The following NLGN1 variants were observed in gnomAD, a reference collection of about 807,000 sequenced individuals.
The protein encoded by NLGN1 is neuroligin-1.
NLGN1 carries 12 observed loss-of-function variants against 65.5 expected under a neutral mutation model. The ratio of observed to expected loss-of-function variants is 0.18; its 90% CI spans 0.12 to 0.30. The LOEUF (loss-of-function observed/expected upper bound fraction) is 0.30. Ranked by LOEUF, NLGN1 falls within the 10% of genes least tolerant of loss-of-function variation. The pLI is 1.00. For synonymous variants in NLGN1, 350 were observed against 359.5 expected (o/e 0.97, Z 0.30); for missense variants, 750 against 1,007.1 (o/e 0.74, Z 3.46).
At chr3:173,412,365 A>G (rs1229402280) in intron 1 of NLGN1, among the ~76,000 whole-genome samples, 1 of 151,968 alleles carries the variant, frequency 6.6e-6, no homozygotes, top group East Asian at 1.9e-4. Context: ...ATATTTGCAC[A>G]GGTGATTTTG....
chr3:173,613,905 A>G (rs763211339), intron 3 of NLGN1, among the ~76,000 whole-genome samples: 3 of 151,996 alleles, frequency 2.0e-5, no homozygotes, highest in Non-Finnish European at 2.9e-5. Flanking sequence ...AAATCTGATT[A>G]ATGAACAGTG....
chr3:173,469,344 T>G (rs956909772), intron 2 of NLGN1, among the ~76,000 whole-genome samples: 1 of 152,050 alleles, frequency 6.6e-6, no homozygotes, highest in African/African-American at 2.4e-5. Context: ...ATCCCAAACA[T>G]AGCAATACCT....
At chr3:173,612,149 C>T (rs555967514) in intron 3 of NLGN1, among the ~76,000 whole-genome samples, 105 of 152,120 alleles carry the variant, frequency 6.9e-4, no homozygotes, top group African/African-American at 2.5e-3. Flanking sequence ...TGGCAGAATT[C>T]GAACGTCACA....
At chr3:174,091,877 C>T (rs1274104509) in intron 4 of NLGN1, among the ~76,000 whole-genome samples, 1 of 152,172 alleles carries the variant, frequency 6.6e-6, no homozygotes, top group Non-Finnish European at 1.5e-5. Context: ...TATAAGCCTC[C>T]CCAAACATGG....
chr3:174,157,536 C>T (rs541984983), intron 4 of NLGN1, among the ~76,000 whole-genome samples: 3 of 151,502 alleles, frequency 2.0e-5, no homozygotes, highest in South Asian at 2.1e-4. Flanking sequence ...ACGTAACCCC[C>T]CTCCACCCAA....
intron 4 of NLGN1, among the ~76,000 whole-genome samples, chr3:174,263,638 A>G (rs201594253): frequency 0.016 from 2,358 of 151,988 alleles, 44 homozygotes; most frequent in African/African-American, 0.033. Flanking sequence ...TCTTTATCCA[A>G]TTTGCCAGTC....
At chr3:173,723,885 C>T (rs964253643) in intron 3 of NLGN1, among the ~76,000 whole-genome samples, 9 of 152,054 alleles carry the variant, frequency 5.9e-5, no homozygotes, top group African/African-American at 7.2e-5. Flanking sequence ...TGGCTCAGAA[C>T]AGTATCTTAA....
intron 3 of NLGN1, among the ~76,000 whole-genome samples, chr3:173,734,562 AATTTTTT>A (rs1425089196): frequency 2.0e-5 from 3 of 151,018 alleles, no homozygotes; most frequent in East Asian, 1.9e-4. Flanking sequence ...ACAGCCACCT[AATTTTTT>A]ATTTTTTATT....
At chr3:174,235,642 A>C (rs1176435858) in intron 4 of NLGN1, among the ~76,000 whole-genome samples, 1 of 152,132 alleles carries the variant, frequency 6.6e-6, no homozygotes, top group Non-Finnish European at 1.5e-5. Flanking sequence ...ATATTATTTT[A>C]TCTATTTATG....
chr3:173,564,043 G>C (rs995997474), intron 2 of NLGN1, among the ~76,000 whole-genome samples: 1 of 152,202 alleles, frequency 6.6e-6, no homozygotes. Flanking sequence ...CTACCTGTCA[G>C]TGCCGTCTCT....
chr3:174,177,471 G>A (rs990382711), intron 4 of NLGN1, among the ~76,000 whole-genome samples: 7 of 151,752 alleles, frequency 4.6e-5, no homozygotes, highest in African/African-American at 1.7e-4. Flanking sequence ...TCCTCTGTTT[G>A]GAAGCTCCAT....
Position 173,463,687 on chromosome 3 carries a change from T to C in NLGN1, c.-321+28609T>C, listed in dbSNP as rs557153977. Among the ~76,000 whole-genome samples the C allele has an allele frequency of 2.0e-5, 3 of 152,242 alleles. No individual in the cohort carries two copies. In the South Asian group the frequency reaches 6.2e-4, roughly 32 times the overall value. Reference sequence around the variant, plus strand: ...TCCTGGTATCCTTTCAACTATGTATTTGTGTGTGGGTGGATTGTCTTCTAA... The same window carrying C: ...TCCTGGTATCCTTTCAACTATGTATCTGTGTGTGGGTGGATTGTCTTCTAA... On this transcript the variant is annotated intron_variant, in intron 2 of 6. Coordinates refer to ENST00000457714, the Ensembl canonical transcript of NLGN1.
chr3:173,946,873 G>C (rs528798791), intron 4 of NLGN1, among the ~76,000 whole-genome samples: 1 of 152,064 alleles, frequency 6.6e-6, no homozygotes, highest in Non-Finnish European at 1.5e-5. Context: ...ACAAGAAAAC[G>C]CAACTTCAGT....
intron 4 of NLGN1, among the ~76,000 whole-genome samples, chr3:173,843,870 C>A (rs912066414): frequency 2.6e-5 from 4 of 152,170 alleles, no homozygotes; most frequent in Admixed American, 2.0e-4. Context: ...CTCAGCAACA[C>A]CCCACTCTAC....
At chr3:174,015,350 CG>C (rs1560845816) in intron 4 of NLGN1, among the ~76,000 whole-genome samples, 1 of 152,102 alleles carries the variant, frequency 6.6e-6, no homozygotes, top group African/African-American at 2.4e-5. Context: ...GCAGAATGGT[CG>C]GGTTCTGGTG....
chr3:173,466,080 A>G (rs1724294954), intron 2 of NLGN1, among the ~76,000 whole-genome samples: 1 of 152,192 alleles, frequency 6.6e-6, no homozygotes, highest in African/African-American at 2.4e-5. Flanking sequence ...AGTTAGGATG[A>G]TGCATGCGTA....
chr3:173,504,938 A>G (rs903872987), intron 2 of NLGN1, among the ~76,000 whole-genome samples: 3 of 152,120 alleles, frequency 2.0e-5, no homozygotes, highest in Non-Finnish European at 4.4e-5. Context: ...CCTCAAATCT[A>G]AAGAGCAGAT....
chr3:173,929,935 C>A lies in NLGN1; in HGVS notation c.646+122103C>A, dbSNP rs150951543. On this transcript the variant is annotated intron_variant, in intron 4 of 6. Transcript: ENST00000457714. Reference sequence around the variant, plus strand: ...GTCAGGCTGGTCTCGAACTCCCAACCTCAGGTGGATCCGCCTGCCTCAGCC... The same window carrying A: ...GTCAGGCTGGTCTCGAACTCCCAACATCAGGTGGATCCGCCTGCCTCAGCC... Among the ~76,000 whole-genome samples the A allele has an allele frequency of 9.9e-4, 150 of 152,146 alleles. 2 individuals carry two copies. The East Asian group carries it at 0.024, about 25-fold the overall frequency.
Position 173,745,977 on chromosome 3 carries a change from C to T in NLGN1, c.494-61703C>T, listed in dbSNP as rs143926056. Among the ~76,000 whole-genome samples, 7 of 152,192 alleles carry T rather than the reference C, an allele frequency of 4.6e-5. No individual in the cohort carries two copies. The East Asian group carries it at 1.4e-3, about 30-fold the overall frequency. Reference sequence around the variant, plus strand: ...TTGCAATCAGGACACTGGACTTACTCAAAACTACCTTAGTGTTCACTGAAT... The same window carrying T: ...TTGCAATCAGGACACTGGACTTACTTAAAACTACCTTAGTGTTCACTGAAT... On this transcript the variant is annotated intron_variant, in intron 3 of 6. Transcript: ENST00000457714.
Sources: allele counts gnomAD v4.1 joint callset (sites outside exome capture counted in the v4.1 genomes callset), GRCh38; gene constraint gnomAD v4.1.1; transcripts MANE v1.5; gene names NCBI Gene and HGNC (gene_info 2026-07-23, HGNC 2026-07-21).